ANK2: variants seen among roughly 807,000 people sequenced by gnomAD.
The protein encoded by ANK2 is ankyrin-2.
In ANK2, 83 loss-of-function variants were observed where a neutral mutation model predicts 360.5. The ratio of observed to expected loss-of-function variants is 0.23; its 90% CI spans 0.19 to 0.28. The LOEUF (loss-of-function observed/expected upper bound fraction) is 0.28. ANK2 is among the 10% of genes least tolerant of loss of function. The pLI is 1.00. For synonymous variants in ANK2, 1,740 were observed against 1,759.5 expected, an observed-to-expected ratio of 0.99 and a Z score of 0.28; for missense variants, 4,201 against 4,795.7, an observed-to-expected ratio of 0.88 and a Z score of 3.66.
chr4:112,737,621 A>G, the ANK2 span, among the ~76,000 whole-genome samples: 3 of 152,154 alleles, frequency 2.0e-5, no homozygotes, highest in Non-Finnish European at 4.4e-5. Context: ...TGACTGGTAC[A>G]TTGGTGCTAG....
chr4:113,372,496 C>A, intron 43 of ANK2: 2 of 1,295,782 alleles, frequency 1.5e-6, no homozygotes, highest in Non-Finnish European at 2.2e-6. Context: ...CATTCCTTAG[C>A]ATGTTAAACA....
the ANK2 span, among the ~76,000 whole-genome samples, chr4:112,754,546 T>C: frequency 2.0e-5 from 3 of 151,750 alleles, no homozygotes; most frequent in Non-Finnish European, 2.9e-5. Context: ...TTAAAAACTT[T>C]TAATGAGTTC....
In ANK2 at chr4:112,881,766, A is replaced by G. The variant is rs558668130; in HGVS notation, c.-39-22689A>G. On this transcript the variant is annotated intron_variant, in intron 1 of 30. Coordinates refer to the ANK2 transcript ENST00000503271. ...TGATTTCCATCACTTCGATTATTCA[A>G]ACTGTTCAAAATAAACTTTTAGTTG... 4.6e-4 allele frequency: 327 copies of G among 707,420 alleles called. 1 individual carries two copies. In the Middle Eastern group the frequency reaches 6.8e-3, roughly 15 times the overall value. 43.8% of individuals were successfully genotyped at this position (707,420 alleles called of 1,614,324 possible). A position where few individuals can be genotyped will look rare whatever the true frequency, so the allele number is the denominator to read the frequency against.
At chr4:112,950,801 G>T (rs1581752864) in intron 2 of ANK2, among the ~76,000 whole-genome samples, 1 of 149,986 alleles carries the variant, frequency 6.7e-6, no homozygotes, top group African/African-American at 2.5e-5. Context: ...TGTGTGCCTC[G>T]GCCGGGCGCG....
intron 2 of ANK2, among the ~76,000 whole-genome samples, chr4:112,913,778 CAT>C (rs1581065386): frequency 6.6e-6 from 1 of 152,258 alleles, no homozygotes; most frequent in African/African-American, 2.4e-5. Flanking sequence ...GAAGTTATAA[CAT>C]AGTGCATGGA....
Position 113,367,684 on chromosome 4 carries a change from T to C in ANK2, c.11151T>C (p.Ile3717=), listed in dbSNP as rs1216705074. ...DHPPIVSEED[I]SVGYSTFQDG... Reference sequence around the variant, plus strand: ...CTCCTATCGTCTCAGAGGAAGACATTTCTGTTGGTTATTCCACTTTTCAGG... The same window carrying C: ...CTCCTATCGTCTCAGAGGAAGACATCTCTGTTGGTTATTCCACTTTTCAGG... Residue 3717 remains isoleucine, a synonymous_variant, in exon 42 of 46, where the codon ATT becomes ATC. Transcript: ENST00000357077. 3.1e-6 allele frequency: 5 copies of C among 1,613,952 alleles called. No homozygotes were observed. The highest frequency in any genetic ancestry group is 4.2e-6 in the Non-Finnish European group (5 of 1,179,992).
intron 19 of ANK2, 100 bp downstream of exon 19, chr4:113,287,803 A>C: frequency 1.1e-6 from 1 of 934,592 alleles, no homozygotes. Flanking sequence ...TCCCTCCTCA[A>C]GAGTCCATTC....
intron 4 of ANK2, among the ~76,000 whole-genome samples, chr4:113,223,090 G>A (rs1464083068): frequency 6.6e-6 from 1 of 152,052 alleles, no homozygotes; most frequent in Non-Finnish European, 1.5e-5. Context: ...ATATATTTAG[G>A]GAAATAATTT....
the ANK2 span, among the ~76,000 whole-genome samples, chr4:112,772,901 C>T: frequency 6.6e-6 from 1 of 152,136 alleles, no homozygotes; most frequent in Non-Finnish European, 1.5e-5. Context: ...AGCGTGTGTT[C>T]TGAGGCTGTA....
chr4:113,300,078 A>G (rs2074162043), intron 22 of ANK2, among the ~76,000 whole-genome samples: 1 of 151,998 alleles, frequency 6.6e-6, no homozygotes, highest in African/African-American at 2.4e-5. Context: ...ATAATAATCA[A>G]ATTGTATATT....
intron 1 of ANK2, among the ~76,000 whole-genome samples, chr4:113,169,360 T>G (rs1258015933): frequency 6.6e-6 from 1 of 152,224 alleles, no homozygotes; most frequent in African/African-American, 2.4e-5. Context: ...CTTATTTTCC[T>G]GGTATTCTTA....
At chr4:112,815,290 A>T (rs574972529), upstream of ANK2, among the ~76,000 whole-genome samples, 1 of 152,346 alleles carries the variant, frequency 6.6e-6, no homozygotes, top group African/African-American at 2.4e-5. Context: ...CAAGATTATA[A>T]ACCCATCGAA....
intron 2 of ANK2, among the ~76,000 whole-genome samples, chr4:113,190,141 T>TTTTA (rs1162659740): frequency 6.6e-6 from 1 of 152,108 alleles, no homozygotes; most frequent in African/African-American, 2.4e-5. Flanking sequence ...TAGCATTTAC[T>TTTTA]TTTATTTATT....
intron 2 of ANK2, among the ~76,000 whole-genome samples, chr4:112,989,716 C>T (rs2046108479): frequency 6.6e-6 from 1 of 152,132 alleles, no homozygotes; most frequent in Non-Finnish European, 1.5e-5. Flanking sequence ...GGCAGGAAGT[C>T]AGGGAACTGA....
At chr4:112,922,637 T>C (rs2091803304) in intron 2 of ANK2, among the ~76,000 whole-genome samples, 1 of 152,206 alleles carries the variant, frequency 6.6e-6, no homozygotes, top group Admixed American at 6.5e-5. Context: ...GAGTCAAAGA[T>C]GGGGTAAGTC....
At chr4:113,244,399 CAA>C (rs534913471) in intron 9 of ANK2, among the ~76,000 whole-genome samples, 2 of 151,804 alleles carry the variant, frequency 1.3e-5, no homozygotes, top group Non-Finnish European at 2.9e-5. Flanking sequence ...TCTTAAAAAA[CAA>C]AAAAACAAAA....
At chr4:113,090,304 A>AT (rs201883349) in intron 1 of ANK2, among the ~76,000 whole-genome samples, 70 of 151,906 alleles carry the variant, frequency 4.6e-4, no homozygotes, top group East Asian at 1.7e-3. Flanking sequence ...TCTAAAATCT[A>AT]TTTTTTTTGC....
chr4:112,957,841 G>C (rs2031205604), intron 2 of ANK2, among the ~76,000 whole-genome samples: 1 of 150,668 alleles, frequency 6.6e-6, no homozygotes, highest in African/African-American at 2.5e-5. Flanking sequence ...TCTCAGACGG[G>C]GCGGTTGCCA....
At chr4:112,750,942 G>A in the ANK2 span, among the ~76,000 whole-genome samples, 1 of 152,090 alleles carries the variant, frequency 6.6e-6, no homozygotes, top group Non-Finnish European at 1.5e-5. Flanking sequence ...GGTCAGGCTG[G>A]CCTCGAACTC....
Sources: gnomAD v4.1 joint callset for allele counts (sites outside exome capture counted in the v4.1 genomes callset) on GRCh38, gnomAD v4.1.1 for gene constraint, MANE v1.5 for transcripts, NCBI Gene and HGNC (gene_info 2026-07-23, HGNC 2026-07-21) for gene names.